Variants in FBN3 observed in about 807,000 individuals in gnomAD.
The protein encoded by FBN3 is fibrillin-3.
A neutral mutation model predicts 330.1 loss-of-function variants in FBN3; 234 were observed. That is an observed-to-expected ratio of 0.71 (90% CI 0.64 to 0.79). The LOEUF (loss-of-function observed/expected upper bound fraction) is 0.79, where lower values mean the gene tolerates loss of function less well. Ranked by LOEUF, FBN3 falls within the 30% of genes least tolerant of loss-of-function variation. FBN3 has a pLI of 0.00. For missense variants in FBN3, 3,606 were observed against 3,886.9 expected (o/e 0.93, Z 1.92); for synonymous variants, 1,458 against 1,517.3 (o/e 0.96, Z 0.91).
Position 8,095,279 on chromosome 19 carries a change from A to G in FBN3, c.5785+96T>C, listed in dbSNP as rs1311686863. 5 of 1,247,200 alleles carry G rather than the reference A, an allele frequency of 4.0e-6. No homozygotes were observed. The East Asian group carries it at 1.0e-4, about 25-fold the overall frequency. The allele number at this position is 1,247,200 out of a possible 1,614,324, so 77.3% of individuals were successfully genotyped here. A position where few individuals can be genotyped will look rare whatever the true frequency, so the allele number is the denominator to read the frequency against. On this transcript the variant is annotated intron_variant, in intron 46 of 63. Coordinates refer to ENST00000600128, the MANE Select transcript of FBN3 (RefSeq NM_032447.5). ...TAAATCTTAAAATAAATGCTTGGGTAGTAAATGGATCTATGCTCACCCAGA... is the reference window on the plus strand; with the variant it reads ...TAAATCTTAAAATAAATGCTTGGGTGGTAAATGGATCTATGCTCACCCAGA...
intron 47 of FBN3, among the ~76,000 whole-genome samples, chr19:8,093,885 T>G (rs573256536): frequency 3.5e-4 from 53 of 152,096 alleles, no homozygotes; most frequent in Admixed American, 6.6e-4. Flanking sequence ...GATGGAAGCC[T>G]GGATCAGAGG....
At chr19:8,135,935 T>TTGGGGGGGGGGGGGGGGGCGGG in intron 13 of FBN3, 26 bp downstream of exon 13, 3 of 1,344,156 alleles carry the variant, frequency 2.2e-6, no homozygotes, top group Non-Finnish European at 3.0e-6. Context: ...CGGAAGCCCC[T>TTGGGGGGGGGGGGGGGGGCGGG]GCCCACCCGC....
Position 8,142,150 on chromosome 19 carries a change from C to A in FBN3, c.542-13G>T. On this transcript the variant is annotated splice_polypyrimidine_tract_variant and intron_variant, in intron 6 of 63. Transcript: ENST00000600128. ...CCCGTCCGGTAATCTGCAGGGCAGA[C>A]AGATGTGGGTACCTGGCTGAGGGCT... 6.3e-7 allele frequency: 1 copy of A among 1,594,646 alleles called. No homozygotes were observed. Among genetic ancestry groups the A allele is most frequent in the African/African-American group, 1.3e-5 (1 of 74,736 alleles).
chr19:8,135,607 G>A (rs2083261056), intron 13 of FBN3, among the ~76,000 whole-genome samples: 1 of 151,714 alleles, frequency 6.6e-6, no homozygotes, highest in South Asian at 2.1e-4. Context: ...AGCCAGGCTG[G>A]AGTGCAGGGG....
intron 16 of FBN3, among the ~76,000 whole-genome samples, chr19:8,130,636 G>GA (rs1254341767): frequency 3.0e-4 from 1 of 3,314 alleles, no homozygotes; most frequent in Admixed American, 1.1e-3. Context: ...AAGAAAGAAA[G>GA]AAAGAAAGGA....
chr19:8,107,886 G>A (rs143981897), intron 37 of FBN3, among the ~76,000 whole-genome samples: 2,136 of 152,028 alleles, frequency 0.014, 50 homozygotes, highest in African/African-American at 0.046. Flanking sequence ...AAGGATGGGT[G>A]GATGGAAGGA....
At position 8,107,474 on chromosome 19, in the gene FBN3, A is replaced by AGGATGGAT. The variant is rs150449542; in HGVS notation, c.4687+688_4687+695dup. Among the ~76,000 whole-genome samples, 126 of 143,236 alleles carry AGGATGGAT rather than the reference A, an allele frequency of 8.8e-4. 3 individuals carry two copies. In the South Asian group the frequency reaches 0.019, roughly 21 times the overall value. 94.0% of individuals were successfully genotyped at this position (143,236 alleles called of 152,430 possible). ...ATGAATGGATGGATGGTCGAGTGGAAGGATGGATGGATGGATGGATGGATG... is the reference window on the plus strand; with the variant it reads ...ATGAATGGATGGATGGTCGAGTGGAAGGATGGATGGATGGATGGATGGATGGATGGATG... On this transcript the variant is annotated intron_variant, in intron 37 of 63. Transcript: ENST00000600128.
Position 8,086,248 on chromosome 19 carries a change from C to T in FBN3, c.6832G>A (p.Asp2278Asn), listed in dbSNP as rs144887983. Residue 2278 changes from aspartate to asparagine, a missense_variant, in exon 55 of 64, where the codon GAC becomes AAC. Transcript: ENST00000600128. ...CVNTAGSFRCDCDEGFQPSPT... is the reference protein window; with the variant it reads ...CVNTAGSFRCNCDEGFQPSPT... ...CTGGGCTGGAATCCCTCATCACAGT[C>T]GCACCGGAAGCTGCCCGCGGTGTTG... 420 of 1,610,850 alleles carry T rather than the reference C, an allele frequency of 2.6e-4. No individual in the cohort carries two copies. The African/African-American group carries it at 4.7e-3, about 18-fold the overall frequency.
chr19:8,131,330 G>A lies in FBN3; in HGVS notation c.1991-42C>T. 2 of 1,601,332 alleles carry A rather than the reference G, an allele frequency of 1.2e-6. No individual in the cohort carries two copies. Among genetic ancestry groups the A allele is most frequent in the Non-Finnish European group, 1.7e-6 (2 of 1,172,564 alleles). On this transcript the variant is annotated intron_variant, in intron 15 of 63. Transcript: ENST00000600128. This position sits in a 1 kb window ranked among gnomAD's most constrained non-coding sequence, Gnocchi z 4.5. Reference sequence around the variant, plus strand: ...AGAGTGAGACGGGTCAGGGAGCTTAGCCATGGCTCGGATTCAGCCACAGGC... The same window carrying A: ...AGAGTGAGACGGGTCAGGGAGCTTAACCATGGCTCGGATTCAGCCACAGGC...
chr19:8,135,932 C>T, intron 13 of FBN3, 29 bp downstream of exon 13: 1 of 1,232,360 alleles, frequency 8.1e-7, no homozygotes, highest in Non-Finnish European at 1.1e-6. Context: ...GCCCGGAAGC[C>T]CCTGCCCACC....
chr19:8,147,580 G>C, intron 1 of FBN3, 83 bp from the exon 2 acceptor site: 1 of 1,268,264 alleles, frequency 7.9e-7, no homozygotes, highest in South Asian at 2.0e-5. Flanking sequence ...AGGGCAGGGT[G>C]GTTGCCAAAT....
chr19:8,091,311 G>A (rs942495123), intron 48 of FBN3, among the ~76,000 whole-genome samples, 154 bp downstream of exon 48: 9 of 152,180 alleles, frequency 5.9e-5, no homozygotes, highest in African/African-American at 2.2e-4. Context: ...AGAGGTTGCT[G>A]GCACTAGGAT....
Position 8,103,692 on chromosome 19 carries a change from A to G in FBN3, c.4814-5T>C. 1 of 1,612,446 alleles carries G rather than the reference A, an allele frequency of 6.2e-7. No homozygotes were observed. Among genetic ancestry groups the G allele is most frequent in the East Asian group, 2.2e-5 (1 of 44,838 alleles). ...GTGTGGAGCATTCGTCAATATCTGC[A>G]GGGAAAGAAGGGGTGGAGGGGAACA... On this transcript the variant is annotated splice_polypyrimidine_tract_variant and splice_region_variant and intron_variant, in intron 38 of 63. Coordinates refer to ENST00000600128, the MANE Select transcript of FBN3 (RefSeq NM_032447.5).
rs1020307871 is a variant in FBN3, at chr19:8,116,812, G to A, written c.3587-13C>T. 6 of 1,612,718 alleles carry A rather than the reference G, an allele frequency of 3.7e-6. No individual in the cohort carries two copies. Among genetic ancestry groups the A allele is most frequent in the Non-Finnish European group, 5.1e-6 (6 of 1,179,224 alleles). On this transcript the variant is annotated splice_polypyrimidine_tract_variant and intron_variant, in intron 28 of 63. Transcript: ENST00000600128. ...CACTCGTCCACGTCTGGGGGAGCAG[G>A]GTTGGGGACTGTGCTTAGCTTTGCC...
chr19:8,068,168 C>A (rs1335658769), intron 63 of FBN3, among the ~76,000 whole-genome samples: 1 of 151,512 alleles, frequency 6.6e-6, no homozygotes, highest in African/African-American at 2.4e-5. Flanking sequence ...AGGTGGATCA[C>A]GAGGTCAGGA....
intron 1 of FBN3, 59 bp from the exon 2 acceptor site, chr19:8,147,556 C>G: frequency 7.4e-7 from 1 of 1,358,426 alleles, no homozygotes; most frequent in Non-Finnish European, 9.6e-7. Flanking sequence ...CATGGGGGAC[C>G]CAACACAACG....
At chr19:8,124,170 G>A (rs1198636238) in intron 22 of FBN3, among the ~76,000 whole-genome samples, 162 bp from the exon 23 acceptor site, 1 of 152,136 alleles carries the variant, frequency 6.6e-6, no homozygotes, top group Non-Finnish European at 1.5e-5. Context: ...TGTCTGGGAG[G>A]GTACTATGTG....
intron 63 of FBN3, among the ~76,000 whole-genome samples, chr19:8,066,579 G>A (rs2081395655): frequency 6.6e-6 from 1 of 152,116 alleles, no homozygotes; most frequent in South Asian, 2.1e-4. Context: ...GGGAGAGAGG[G>A]AGGGAGACAA....
chr19:8,141,268 G>A (rs2083407261), intron 8 of FBN3, among the ~76,000 whole-genome samples: 1 of 150,470 alleles, frequency 6.6e-6, no homozygotes, highest in Non-Finnish European at 1.5e-5. Context: ...TTGGGAGGCT[G>A]AGGCAGGAGG....
Sources: gnomAD v4.1 joint callset for allele counts (sites outside exome capture counted in the v4.1 genomes callset) on GRCh38, gnomAD v4.1.1 for gene constraint, Gnocchi (gnomAD v3.1) non-coding constraint, MANE v1.5 for transcripts, NCBI Gene and HGNC (gene_info 2026-07-23, HGNC 2026-07-21) for gene names.